GNG7: variants seen among roughly 807,000 people sequenced by gnomAD.
GNG7 encodes G protein subunit gamma 7, also known as guanine nucleotide-binding protein G(I)/G(S)/G(O) subunit gamma-7.
In GNG7, 1 loss-of-function variant was observed where a neutral mutation model predicts 4.0. That is an observed-to-expected ratio of 0.25 (90% confidence interval 0.09 to 1.18). GNG7 has a LOEUF of 1.18. Among genes scored for constraint, GNG7 ranks in the 50% most tolerant of loss-of-function variants. The pLI is 0.50. For synonymous variants in GNG7, 34 were observed against 36.9 expected, an observed-to-expected ratio of 0.92 and a Z score of 0.29; for missense variants, 86 against 91.9, an observed-to-expected ratio of 0.94 and a Z score of 0.26.
intron 3 of GNG7, among the ~76,000 whole-genome samples, chr19:2,532,185 A>C (rs1281921031): frequency 2.0e-5 from 3 of 151,854 alleles, no homozygotes; most frequent in Non-Finnish European, 2.9e-5. Flanking sequence ...AAAAACCAGC[A>C]CTACAAAGAG....
rs1035950319 is a variant in GNG7 at position 2,614,282 on chromosome 19, G to A, written c.-78+31942C>T. 2.0e-5 allele frequency among the ~76,000 whole-genome samples: 3 copies of A among 152,330 alleles called. No individual in the cohort carries two copies. The highest frequency in any genetic ancestry group is 3.9e-4 in the East Asian group (2 of 5,186). On this transcript the variant is annotated intron_variant, in intron 2 of 4. Transcript: ENST00000382159. The surrounding 1 kb of genome is among the most constrained non-coding windows in gnomAD (Gnocchi z 6.0). Reference sequence around the variant, plus strand: ...CCCTGCCCTCTGTGTACCCGCAGGGGGGCCCTGCACGTCGGGTCTCAGGCA... The same window carrying A: ...CCCTGCCCTCTGTGTACCCGCAGGGAGGCCCTGCACGTCGGGTCTCAGGCA...
chr19:2,695,954 TTCG>T (rs879850359), intron 1 of GNG7, among the ~76,000 whole-genome samples: 3,441 of 151,862 alleles, frequency 0.023, 48 homozygotes, highest in Non-Finnish European at 0.034. Context: ...AGGTCAGGAG[TTCG>T]AGACCAGCCT....
chr19:2,674,491 A>G (rs1393478478), intron 1 of GNG7, among the ~76,000 whole-genome samples: 2 of 152,010 alleles, frequency 1.3e-5, no homozygotes. Flanking sequence ...GCTGGAGTGC[A>G]GTGGTGCAAT....
chr19:2,512,969 C>A lies in GNG7; in HGVS notation c.*2053G>T. 1 of 985,482 alleles carries A rather than the reference C, an allele frequency of 1.0e-6. No homozygotes were observed. Among genetic ancestry groups the A allele is most frequent in the Non-Finnish European group, 1.2e-6 (1 of 829,952 alleles). 61.0% of individuals were successfully genotyped at this position (985,482 alleles called of 1,614,324 possible). The stretch of plus-strand genomic sequence containing the variant: ...AGGAGGCTGCAGTCTCCGGGAGCCT[C>A]TGGGGCTCTCCCGGGCCAACAGCAG... On this transcript the variant is annotated 3_prime_UTR_variant, in exon 5 of 5. Coordinates refer to ENST00000382159, the MANE Select transcript of GNG7 (RefSeq NM_052847.3). This position sits in a 1 kb window ranked among gnomAD's most constrained non-coding sequence, Gnocchi z 4.7.
Position 2,609,508 on chromosome 19 carries a change from G to C in GNG7, c.-78+36716C>G, listed in dbSNP as rs1338407170. 1.3e-5 allele frequency among the ~76,000 whole-genome samples: 2 copies of C among 152,080 alleles called. No homozygotes were observed. The highest frequency in any genetic ancestry group is 3.8e-4 in the East Asian group (2 of 5,198). On this transcript the variant is annotated intron_variant, in intron 2 of 4. Transcript: ENST00000382159. This position sits in a 1 kb window ranked among gnomAD's most constrained non-coding sequence, Gnocchi z 4.4. ...CCGCTCACTTGCTGGAGGACCTCAG[G>C]CTCTCTTCCGTGAGCCTTATTTTGG... is the stretch of plus-strand genomic sequence containing the variant.
chr19:2,664,581 A>C (rs1283629853), intron 1 of GNG7, among the ~76,000 whole-genome samples: 1 of 152,080 alleles, frequency 6.6e-6, no homozygotes, highest in African/African-American at 2.4e-5. Context: ...GGAAGGAACA[A>C]TCAGACGGTT....
intron 1 of GNG7, among the ~76,000 whole-genome samples, chr19:2,687,444 C>A (rs1357594333): frequency 6.6e-6 from 1 of 150,994 alleles, no homozygotes; most frequent in Admixed American, 6.6e-5. Flanking sequence ...TGGAGAAACC[C>A]TGCCTCTACT....
At chr19:2,629,205 T>G (rs1982096411) in intron 2 of GNG7, among the ~76,000 whole-genome samples, 1 of 152,204 alleles carries the variant, frequency 6.6e-6, no homozygotes, top group South Asian at 2.1e-4. Context: ...TTAGTAGGTC[T>G]CTCTGAAGGT....
At chr19:2,599,866 G>C (rs998281020) in intron 2 of GNG7, among the ~76,000 whole-genome samples, 3 of 151,944 alleles carry the variant, frequency 2.0e-5, no homozygotes, top group African/African-American at 7.3e-5. Context: ...GAGCCCTGGA[G>C]GTGGAGGTTG....
At chr19:2,691,468 TG>T (rs1467598909) in intron 1 of GNG7, among the ~76,000 whole-genome samples, 2 of 151,566 alleles carry the variant, frequency 1.3e-5, no homozygotes, top group East Asian at 3.9e-4. Flanking sequence ...CACTTGAGCC[TG>T]GGAGGCGGAG....
chr19:2,539,614 A>ATT (rs1477786930), intron 3 of GNG7, among the ~76,000 whole-genome samples: 1 of 151,988 alleles, frequency 6.6e-6, no homozygotes, highest in Admixed American at 6.6e-5. Flanking sequence ...CATAAGCTCA[A>ATT]TTTTAGACAC....
At chr19:2,553,606 T>C (rs1410165241) in intron 3 of GNG7, among the ~76,000 whole-genome samples, 4 of 148,754 alleles carry the variant, frequency 2.7e-5, no homozygotes, top group African/African-American at 4.9e-5. Flanking sequence ...ACATGCAATA[T>C]ATCATACTAC....
chr19:2,538,086 A>AAAAC (rs776889629), intron 3 of GNG7: 3 of 453,468 alleles, frequency 6.6e-6, no homozygotes, highest in South Asian at 3.1e-5. Flanking sequence ...CAAACAAAAC[A>AAAAC]AAACAAAACA....
chr19:2,595,678 C>T (rs73526825), intron 2 of GNG7, among the ~76,000 whole-genome samples: 104,725 of 148,862 alleles, frequency 0.7, 37,133 homozygotes, highest in Non-Finnish European at 0.76. Flanking sequence ...GAGCTTGCAG[C>T]GAGCCAAGAT....
rs530451725 is a variant in GNG7, at chr19:2,616,632, C to T, written c.-78+29592G>A. On this transcript the variant is annotated intron_variant, in intron 2 of 4. Transcript: ENST00000382159. ...TCTCTCCTAAAAATACAAAATTAGC[C>T]GGGCATGGTGGCGGGTGCCTGTAAT... Among the ~76,000 whole-genome samples the T allele has an allele frequency of 5.9e-5, 9 of 151,766 alleles. No individual in the cohort carries two copies. The East Asian group carries it at 7.8e-4, about 13-fold the overall frequency.
chr19:2,549,293 G>GTTT (rs11439149), intron 3 of GNG7, among the ~76,000 whole-genome samples: 2 of 144,666 alleles, frequency 1.4e-5, no homozygotes, highest in African/African-American at 2.6e-5. Flanking sequence ...ACAGGGCTGT[G>GTTT]TTTTTTTTTT....
chr19:2,596,857 G>A (rs1981037952), intron 2 of GNG7, among the ~76,000 whole-genome samples: 1 of 152,012 alleles, frequency 6.6e-6, no homozygotes, highest in South Asian at 2.1e-4. Flanking sequence ...TTCTCAACAG[G>A]GTGAACATCA....
chr19:2,583,424 G>T (rs1384279725), intron 2 of GNG7, among the ~76,000 whole-genome samples: 2 of 152,174 alleles, frequency 1.3e-5, no homozygotes, highest in African/African-American at 4.8e-5. Context: ...CGTCTTCATG[G>T]GGTGAGGTTG....
chr19:2,644,389 A>G (rs1365779514), intron 2 of GNG7, among the ~76,000 whole-genome samples: 25 of 139,174 alleles, frequency 1.8e-4, no homozygotes, highest in African/African-American at 6.1e-4. Context: ...ATAATGCTCT[A>G]TCTATACATG....
Sources: gnomAD v4.1 joint callset for allele counts (sites outside exome capture counted in the v4.1 genomes callset) on GRCh38, gnomAD v4.1.1 for gene constraint, Gnocchi (gnomAD v3.1) non-coding constraint, MANE v1.5 for transcripts, NCBI Gene and HGNC (gene_info 2026-07-23, HGNC 2026-07-21) for gene names.